Variants in LZTR1 observed in about 807,000 individuals in gnomAD.
The protein encoded by LZTR1 is leucine-zipper-like transcriptional regulator 1.
A neutral mutation model predicts 105.7 loss-of-function variants in LZTR1; 260 were observed. The observed-to-expected ratio is 2.46, with a 90% CI of 2.22 to 2.72. The LOEUF (loss-of-function observed/expected upper bound fraction) is 2.72. Ranked by LOEUF, LZTR1 falls within the 30% of genes most tolerant of loss-of-function variation. The pLI is 0.00. For missense variants in LZTR1, 1,214 were observed against 1,166.9 expected (o/e 1.04, Z -0.59); for synonymous variants, 490 against 476.4 (o/e 1.03, Z -0.37).
At chr22:20,988,430 A>G (rs1209754474) in intron 5 of LZTR1, among the ~76,000 whole-genome samples, 1 of 152,180 alleles carries the variant, frequency 6.6e-6, no homozygotes, top group East Asian at 1.9e-4. Flanking sequence ...TGTGTGCCCC[A>G]CTGCACTCCA....
chr22:20,989,624 G>C lies in LZTR1; in HGVS notation c.594-1G>C, dbSNP rs1401166273. The C allele has an allele frequency of 6.2e-7, 1 of 1,613,632 alleles. No individual in the cohort carries two copies. The highest frequency in any genetic ancestry group is 8.5e-7 in the Non-Finnish European group (1 of 1,179,808). ...GTCCTCACTGGTCTGTCCTAATACA[G>C]GTTGAATGACATGTGGACAATTGGC... On this transcript the variant is annotated splice_acceptor_variant, in intron 6 of 20. Transcript: ENST00000646124. LOFTEE classifies it high-confidence loss of function.
chr22:20,993,127 G>A (rs745796163), intron 11 of LZTR1, among the ~76,000 whole-genome samples: 2 of 152,218 alleles, frequency 1.3e-5, no homozygotes, highest in African/African-American at 2.4e-5. Context: ...TGGGGCTCAC[G>A]GCAGAGTCAG....
intron 18 of LZTR1, 29 bp from the exon 19 acceptor site, chr22:20,996,667 C>T (rs1569158290): frequency 6.9e-6 from 11 of 1,603,382 alleles, no homozygotes; most frequent in African/African-American, 5.4e-5. Flanking sequence ...GACCAGCTTC[C>T]TTTAGTCAGC....
intron 5 of LZTR1, 92 bp downstream of exon 5, chr22:20,988,210 C>A: frequency 1.3e-6 from 1 of 770,614 alleles, no homozygotes; most frequent in Non-Finnish European, 2.3e-6. Flanking sequence ...AGATGAGGAC[C>A]CTGAGGGCAC....
intron 6 of LZTR1, 104 bp downstream of exon 6, chr22:20,988,976 T>A: frequency 9.9e-7 from 1 of 1,006,504 alleles, no homozygotes. Flanking sequence ...TTTGAGTGCC[T>A]GGTGGATTTT....
intron 3 of LZTR1, 23 bp from the exon 4 acceptor site, chr22:20,987,481 C>T (rs903951062): frequency 5.3e-6 from 8 of 1,515,020 alleles, no homozygotes; most frequent in African/African-American, 1.4e-5. Context: ...CGCTGACTCT[C>T]ACCACCCCTG....
At chr22:20,986,714 A>G (rs142072232) in intron 3 of LZTR1, 12 of 152,312 alleles carry the variant, frequency 7.9e-5, no homozygotes, top group Admixed American at 7.2e-4. Context: ...TATAGATTAG[A>G]TGATTGATAG....
At chr22:20,987,245 T>A in intron 3 of LZTR1, 1 of 390,332 alleles carries the variant, frequency 2.6e-6, no homozygotes, top group South Asian at 5.9e-5. Flanking sequence ...ATACAAAAAA[T>A]TAGCTGGGCA....
Position 20,989,638 on chromosome 22 carries a change from T to G in LZTR1, c.607T>G (p.Trp203Gly). 1 of 1,613,532 alleles carries G rather than the reference T, an allele frequency of 6.2e-7. No individual in the cohort carries two copies. Among genetic ancestry groups the G allele is most frequent in the Non-Finnish European group, 8.5e-7 (1 of 1,179,930 alleles). The change falls in exon 7 of 21, where the codon TGG (tryptophan) becomes GGG (glycine). Residue 203 changes from tryptophan to glycine, a missense_variant. Trp to Gly is a radical substitution (Grantham distance 184, BLOSUM62 -2). Transcript: ENST00000646124. ...GTCCTAATACAGGTTGAATGACATG[T>G]GGACAATTGGCCTCCAGGACCGAGA... ...YDGNARLNDM[W>G]TIGLQDRELT...
chr22:20,990,604 C>A, intron 8 of LZTR1, 79 bp downstream of exon 8: 1 of 1,433,616 alleles, frequency 7.0e-7, no homozygotes, highest in Non-Finnish European at 9.6e-7. Context: ...ACGCCTCTTG[C>A]ACCTGGTGGC....
At chr22:20,996,997 G>A (rs761883065) in intron 20 of LZTR1, 31 bp downstream of exon 20, 14 of 1,608,204 alleles carry the variant, frequency 8.7e-6, no homozygotes, top group South Asian at 2.2e-5. Context: ...TTCAGGACTC[G>A]CTTCCCCTTG....
intron 6 of LZTR1, among the ~76,000 whole-genome samples, chr22:20,989,147 G>T (rs921825153): frequency 6.6e-6 from 1 of 152,232 alleles, no homozygotes; most frequent in South Asian, 2.1e-4. Flanking sequence ...TTGGTGGGCG[G>T]GTGGGCGGTG....
Position 20,988,828 on chromosome 22 carries a change from C to G in LZTR1, c.549C>G (p.Tyr183Ter). The G allele has an allele frequency of 1.2e-6, 2 of 1,614,098 alleles. No individual in the cohort carries two copies. Among genetic ancestry groups the G allele is most frequent in the East Asian group, 2.2e-5 (1 of 44,876 alleles). ...VARSAHGATV[Y>*]SDKLWIFAGY... Reference sequence around the variant, plus strand: ...GGTCAGCCCATGGGGCCACGGTGTACAGTGACAAGCTGTGGATCTTTGCTG... The same window carrying G: ...GGTCAGCCCATGGGGCCACGGTGTAGAGTGACAAGCTGTGGATCTTTGCTG... Residue 183 changes from tyrosine (Y) to a stop codon, truncating the protein, a stop_gained, in exon 6 of 21, where the codon TAC becomes TAG. Transcript: ENST00000646124. LOFTEE classifies it high-confidence loss of function.
chr22:20,994,961 T>C lies in LZTR1; in HGVS notation c.1877T>C (p.Val626Ala), dbSNP rs1924776154. 1 of 1,613,248 alleles carries C rather than the reference T, an allele frequency of 6.2e-7. No homozygotes were observed. Among genetic ancestry groups the C allele is most frequent in the African/African-American group, 1.3e-5 (1 of 75,036 alleles). The change falls in exon 16 of 21, where the codon GTG (valine) becomes GCG (alanine). Residue 626 changes from valine to alanine, a missense_variant. Coordinates refer to ENST00000646124, the MANE Select transcript of LZTR1 (RefSeq NM_006767.4). ...EFERLSSPLIVEIVRRKQQPP... is the reference protein window; with the variant it reads ...EFERLSSPLIAEIVRRKQQPP... ...GAGCGCCTCTCCTCTCCACTGATAG[T>C]GGAGATTGTGCGGCGGAAGCAGCAG...
Position 20,997,623 on chromosome 22 carries a change from A to T in LZTR1, c.*275A>T. ...TAGTGTGGATGCGAGGCCACGGCTCAGTGATGGGCTCACCACCCAGAAGTG... is the reference window on the plus strand; with the variant it reads ...TAGTGTGGATGCGAGGCCACGGCTCTGTGATGGGCTCACCACCCAGAAGTG... On this transcript the variant is annotated 3_prime_UTR_variant, in exon 21 of 21. Transcript: ENST00000646124. 1 of 351,190 alleles carries T rather than the reference A, an allele frequency of 2.8e-6. No homozygotes were observed. The highest frequency in any genetic ancestry group is 5.4e-6 in the Non-Finnish European group (1 of 185,358). The allele number at this position is 351,190 out of a possible 1,614,324, so 21.8% of individuals were successfully genotyped here.
chr22:20,982,611 G>A, intron 1 of LZTR1, 40 bp downstream of exon 1: 1 of 1,589,436 alleles, frequency 6.3e-7, no homozygotes, highest in South Asian at 1.1e-5. Context: ...CAGGAAGGGC[G>A]ATCTGCGAGG....
At position 20,992,076 on chromosome 22, in the gene LZTR1, A is replaced by T. The variant is rs1027637045; in HGVS notation, c.994-138A>T. 13 of 861,422 alleles carry T rather than the reference A, an allele frequency of 1.5e-5. No homozygotes were observed. The East Asian group carries it at 3.2e-4, about 21-fold the overall frequency. The allele number at this position is 861,422 out of a possible 1,614,324, so 53.4% of individuals were successfully genotyped here. A position where few individuals can be genotyped will look rare whatever the true frequency, so the allele number is the denominator to read the frequency against. ...GCTGCATGGGGCTGCTGTGCTGCAG[A>T]CCTTTCCTGGGAAGCCCACGGCCAT... is the stretch of plus-strand genomic sequence containing the variant. On this transcript the variant is annotated intron_variant, in intron 9 of 20. Coordinates refer to ENST00000646124, the MANE Select transcript of LZTR1 (RefSeq NM_006767.4).
chr22:20,988,895 C>T (rs1324591759), intron 6 of LZTR1, 23 bp downstream of exon 6: 5 of 1,602,532 alleles, frequency 3.1e-6, no homozygotes, highest in Admixed American at 1.7e-5. Context: ...CCGGCCTGTG[C>T]ACCCCACCTC....
At chr22:20,995,574 G>A (rs937870899) in intron 16 of LZTR1, 172 bp from the exon 17 acceptor site, 4 of 808,436 alleles carry the variant, frequency 4.9e-6, no homozygotes, top group African/African-American at 1.7e-5. Context: ...CGGCCAGGGC[G>A]CCGAGGGAGG....
Sources: gnomAD v4.1 joint callset for allele counts (sites outside exome capture counted in the v4.1 genomes callset) on GRCh38, gnomAD v4.1.1 for gene constraint, MANE v1.5 for transcripts, NCBI Gene and HGNC (gene_info 2026-07-23, HGNC 2026-07-21) for gene names.